Variants in PCDH9 observed in about 807,000 individuals in gnomAD.
PCDH9 encodes protocadherin 9.
In PCDH9, 24 loss-of-function variants were observed where a neutral mutation model predicts 70.6. The ratio of observed to expected loss-of-function variants is 0.34; its 90% CI spans 0.25 to 0.48. PCDH9 has a LOEUF of 0.48. Ranked by LOEUF, PCDH9 falls within the 20% of genes least tolerant of loss-of-function variation. PCDH9 has a pLI of 0.99. For synonymous variants in PCDH9, 562 were observed against 558.5 expected (o/e 1.01, Z -0.09); for missense variants, 1,281 against 1,503.6 (o/e 0.85, Z 2.45).
At chr13:66,931,209 T>A (rs1388762685) in intron 2 of PCDH9, among the ~76,000 whole-genome samples, 1 of 152,196 alleles carries the variant, frequency 6.6e-6, no homozygotes, top group African/African-American at 2.4e-5. Flanking sequence ...TGTATTTTTA[T>A]TTATGAGTTC....
rs1289042799 is a variant in PCDH9 at position 66,303,956 on chromosome 13, A to G, written c.*699T>C. The G allele has an allele frequency of 6.6e-6, 1 of 152,246 alleles. No individual in the cohort carries two copies. The highest frequency in any genetic ancestry group is 1.5e-5 in the Non-Finnish European group (1 of 67,972). 9.4% of individuals were successfully genotyped at this position (152,246 alleles called of 1,614,324 possible). ...GATTGTTTGAACAATGTGTGTCAAG[A>G]CAGACTACTAACACAGAAACACCTC... On this transcript the variant is annotated 3_prime_UTR_variant, in exon 5 of 5. Coordinates refer to ENST00000377865, the MANE Select transcript of PCDH9 (RefSeq NM_203487.3).
At chr13:66,482,322 A>T (rs908665018) in intron 4 of PCDH9, among the ~76,000 whole-genome samples, 1 of 152,194 alleles carries the variant, frequency 6.6e-6, no homozygotes, top group Non-Finnish European at 1.5e-5. Flanking sequence ...CCGTCTCCCA[A>T]TGTGGCTACT....
intron 2 of PCDH9, among the ~76,000 whole-genome samples, chr13:66,907,985 A>T (rs922999879): frequency 2.6e-5 from 4 of 152,194 alleles, no homozygotes; most frequent in Admixed American, 2.0e-4. Context: ...CATTTTAAAA[A>T]ACTAAGGATC....
At chr13:66,912,736 T>C (rs953665648) in intron 2 of PCDH9, among the ~76,000 whole-genome samples, 3 of 151,986 alleles carry the variant, frequency 2.0e-5, no homozygotes, top group African/African-American at 4.8e-5. Context: ...AAAAGTGCCA[T>C]AAATAAACCA....
chr13:66,558,631 T>C (rs1961853420), intron 4 of PCDH9, among the ~76,000 whole-genome samples: 1 of 151,980 alleles, frequency 6.6e-6, no homozygotes, highest in Admixed American at 6.6e-5. Flanking sequence ...AGTGCCCTAG[T>C]ACACAGTCAG....
intron 2 of PCDH9, chr13:67,225,192 A>G (rs1211868843): frequency 1.5e-6 from 2 of 1,363,704 alleles, no homozygotes; most frequent in South Asian, 1.8e-5. Flanking sequence ...AGGAAACTGA[A>G]AGGAGAAAAT....
intron 4 of PCDH9, among the ~76,000 whole-genome samples, chr13:66,566,741 C>A (rs893600968): frequency 1.5e-5 from 1 of 66,450 alleles, no homozygotes; most frequent in African/African-American, 7.8e-5. Context: ...ACCAAGGGCC[C>A]GTCTTGATGG....
At chr13:66,308,053 C>A (rs1955498227) in intron 4 of PCDH9, among the ~76,000 whole-genome samples, 1 of 152,028 alleles carries the variant, frequency 6.6e-6, no homozygotes, top group African/African-American at 2.4e-5. Flanking sequence ...AAGCTGGGAG[C>A]TATTCTGGGA....
chr13:66,646,898 A>T (rs1179235455), intron 3 of PCDH9, among the ~76,000 whole-genome samples: 1 of 152,038 alleles, frequency 6.6e-6, no homozygotes, highest in Non-Finnish European at 1.5e-5. Flanking sequence ...CACTTGAGGG[A>T]GGGAGAGCGC....
At chr13:66,954,016 A>G (rs969089372) in intron 2 of PCDH9, among the ~76,000 whole-genome samples, 1 of 152,222 alleles carries the variant, frequency 6.6e-6, no homozygotes, top group Non-Finnish European at 1.5e-5. Context: ...CACACTAGGT[A>G]GCTAAATTTA....
intron 4 of PCDH9, among the ~76,000 whole-genome samples, chr13:66,499,236 G>T (rs916033629): frequency 8.6e-5 from 13 of 151,948 alleles, no homozygotes; most frequent in African/African-American, 3.1e-4. Flanking sequence ...AAGAAAAGGT[G>T]ATGTTAAAAT....
intron 4 of PCDH9, among the ~76,000 whole-genome samples, chr13:66,481,568 CA>C (rs1958837695): frequency 1.3e-5 from 2 of 152,030 alleles, no homozygotes; most frequent in Admixed American, 1.3e-4. Context: ...ACTGGGAAGC[CA>C]AAAAATAATG....
intron 4 of PCDH9, among the ~76,000 whole-genome samples, chr13:66,345,119 G>A (rs911332189): frequency 1.3e-5 from 2 of 152,206 alleles, no homozygotes; most frequent in African/African-American, 4.8e-5. Flanking sequence ...TGTATAATTC[G>A]GGTAATGAAC....
intron 3 of PCDH9, among the ~76,000 whole-genome samples, chr13:66,794,426 CA>C (rs1264616664): frequency 6.6e-6 from 1 of 152,122 alleles, no homozygotes; most frequent in African/African-American, 2.4e-5. Context: ...TGGTTAGAGG[CA>C]AAGTTTCAAT....
chr13:66,421,479 C>G (rs929428763), intron 4 of PCDH9, among the ~76,000 whole-genome samples: 1 of 151,828 alleles, frequency 6.6e-6, no homozygotes, highest in Non-Finnish European at 1.5e-5. Context: ...AGAAGCCCTA[C>G]AAGCCAGAAG....
intron 3 of PCDH9, among the ~76,000 whole-genome samples, chr13:66,836,628 C>T (rs1230238237): frequency 6.6e-6 from 1 of 152,142 alleles, no homozygotes; most frequent in Non-Finnish European, 1.5e-5. Context: ...CCAACAAAAA[C>T]TGAGCTGTTT....
chr13:67,133,756 A>G (rs987085251), intron 2 of PCDH9, among the ~76,000 whole-genome samples: 4 of 152,116 alleles, frequency 2.6e-5, no homozygotes, highest in Non-Finnish European at 4.4e-5. Context: ...GTTATTAAAA[A>G]AATGACTCAG....
At chr13:67,090,900 G>A (rs2086205195) in intron 2 of PCDH9, among the ~76,000 whole-genome samples, 1 of 152,036 alleles carries the variant, frequency 6.6e-6, no homozygotes, top group Non-Finnish European at 1.5e-5. Context: ...TTCTCACAAT[G>A]AGGAACTAGT....
intron 4 of PCDH9, among the ~76,000 whole-genome samples, chr13:66,382,771 C>T (rs1339231594): frequency 6.6e-6 from 1 of 152,156 alleles, no homozygotes; most frequent in African/African-American, 2.4e-5. Context: ...TGGCTCACGC[C>T]TGTAATCCTA....
Sources: allele counts gnomAD v4.1 joint callset (sites outside exome capture counted in the v4.1 genomes callset), GRCh38; gene constraint gnomAD v4.1.1; transcripts MANE v1.5; gene names NCBI Gene and HGNC (gene_info 2026-07-23, HGNC 2026-07-21).